SYNE3: variants seen among roughly 807,000 people sequenced by gnomAD.
SYNE3 encodes nesprin-3.
In SYNE3, 100 loss-of-function variants were observed where a neutral mutation model predicts 111.2. The ratio of observed to expected loss-of-function variants is 0.90; its 90% CI spans 0.77 to 1.06. The LOEUF (loss-of-function observed/expected upper bound fraction) is 1.06. Among genes scored for constraint, SYNE3 ranks in the 50% least tolerant of loss-of-function variants. SYNE3 has a pLI of 0.00. For synonymous variants in SYNE3, 547 were observed against 533.9 expected, an observed-to-expected ratio of 1.02 and a Z score of -0.34; for missense variants, 1,160 against 1,240.3, an observed-to-expected ratio of 0.94 and a Z score of 0.97.
intron 6 of SYNE3, among the ~76,000 whole-genome samples, chr14:95,452,822 T>C (rs936421028): frequency 3.3e-5 from 5 of 152,112 alleles, no homozygotes; most frequent in African/African-American, 1.2e-4. Context: ...GGTTGCAGAG[T>C]CTGTAGATGG....
intron 17 of SYNE3, among the ~76,000 whole-genome samples, chr14:95,423,524 GA>G (rs1389564552): frequency 1.6e-4 from 16 of 97,638 alleles, no homozygotes; most frequent in Non-Finnish European, 2.9e-4. Context: ...TGGGGATGGG[GA>G]TTTGATGGGG....
chr14:95,468,862 C>T (rs1365358997), intron 2 of SYNE3, among the ~76,000 whole-genome samples: 1 of 152,190 alleles, frequency 6.6e-6, no homozygotes, highest in Non-Finnish European at 1.5e-5. Context: ...ATTGTCATTG[C>T]TGTTACTATT....
At chr14:95,466,792 T>A (rs975393861) in intron 3 of SYNE3, among the ~76,000 whole-genome samples, 3 of 152,182 alleles carry the variant, frequency 2.0e-5, no homozygotes, top group Non-Finnish European at 4.4e-5. Flanking sequence ...CCCCAGCCTG[T>A]CTCCCTGGGG....
rs1176291805 is a variant in SYNE3, at chr14:95,407,709, T to C, written c.*10117A>G. The C allele has an allele frequency of 6.6e-6, 1 of 152,126 alleles. No individual in the cohort carries two copies. Among genetic ancestry groups the C allele is most frequent in the South Asian group, 2.1e-4 (1 of 4,812 alleles). The allele number at this position is 152,126 out of a possible 1,614,324, so 9.4% of individuals were successfully genotyped here. A position where few individuals can be genotyped will look rare whatever the true frequency, so the allele number is the denominator to read the frequency against. ...TGTTTGTCTTTGACATCAAAAATCA[T>C]TTATGCAGCATCTACATGCACATAT... On this transcript the variant is annotated 3_prime_UTR_variant, in exon 18 of 18. Coordinates refer to ENST00000682763, the MANE Select transcript of SYNE3 (RefSeq NM_152592.6).
chr14:95,424,296 C>G (rs1480032218), intron 17 of SYNE3, among the ~76,000 whole-genome samples: 2 of 151,600 alleles, frequency 1.3e-5, no homozygotes, highest in Non-Finnish European at 2.9e-5. Flanking sequence ...GGGAGAGCCA[C>G]CCACCAGATG....
intron 5 of SYNE3, chr14:95,456,019 C>G (rs1413907733): frequency 4.6e-6 from 2 of 436,182 alleles, no homozygotes; most frequent in Non-Finnish European, 8.1e-6. Context: ...GTTTATCTTC[C>G]TTTCCATGCC....
At chr14:95,421,887 C>T (rs1004457122) in intron 17 of SYNE3, among the ~76,000 whole-genome samples, 5 of 152,226 alleles carry the variant, frequency 3.3e-5, no homozygotes, top group Non-Finnish European at 7.3e-5. Context: ...TTTCTCCACT[C>T]CACCTGGTTA....
intron 4 of SYNE3, among the ~76,000 whole-genome samples, chr14:95,458,763 C>T (rs780713846): frequency 5.9e-5 from 9 of 152,294 alleles, no homozygotes; most frequent in Non-Finnish European, 1.2e-4. Flanking sequence ...GCTCAGGGCA[C>T]GCCCTGTGAA....
At chr14:95,512,916 C>G (rs1890774457) in intron 1 of SYNE3, among the ~76,000 whole-genome samples, 1 of 152,112 alleles carries the variant, frequency 6.6e-6, no homozygotes, top group African/African-American at 2.4e-5. Flanking sequence ...AAGCCTACCA[C>G]TGGACTGAAG....
intron 1 of SYNE3, among the ~76,000 whole-genome samples, chr14:95,484,684 G>T (rs1889449504): frequency 2.0e-5 from 3 of 152,282 alleles, no homozygotes; most frequent in African/African-American, 7.2e-5. Context: ...TCTACTCAGG[G>T]GTCTTGATCA....
At chr14:95,480,678 A>G (rs1327179147) in intron 1 of SYNE3, among the ~76,000 whole-genome samples, 1 of 152,228 alleles carries the variant, frequency 6.6e-6, no homozygotes, top group Non-Finnish European at 1.5e-5. Context: ...GTCATAAAGA[A>G]AGCTCAGAGT....
intron 1 of SYNE3, among the ~76,000 whole-genome samples, chr14:95,505,095 G>T (rs185641396): frequency 6.6e-6 from 1 of 152,224 alleles, no homozygotes; most frequent in Non-Finnish European, 1.5e-5. Context: ...TTGGGACTCC[G>T]GGCAACTCCC....
rs748086812 is a variant in SYNE3, at chr14:95,455,533, G to A, written c.981C>T (p.Leu327=). The stretch of plus-strand genomic sequence containing the variant: ...GCTGCTCCCAGGCTCCCCTGGACCG[G>A]AGCAGGCCCCGCAGCCGCTCCTCCT... The part of the protein sequence containing the change: ...EEEEERLRGL[L]RSRGAWEQQI... The change falls in exon 6 of 18, where the codon CTC becomes CTT. Residue 327 remains leucine (L), a synonymous_variant. Coordinates refer to ENST00000682763, the MANE Select transcript of SYNE3 (RefSeq NM_152592.6). The A allele has an allele frequency of 2.5e-6, 4 of 1,613,926 alleles. No individual in the cohort carries two copies. Among genetic ancestry groups the A allele is most frequent in the East Asian group, 2.2e-5 (1 of 44,884 alleles).
intron 1 of SYNE3, among the ~76,000 whole-genome samples, chr14:95,483,440 G>A (rs763079109): frequency 2.0e-5 from 3 of 152,008 alleles, no homozygotes; most frequent in Non-Finnish European, 4.4e-5. Flanking sequence ...CTTTCCCACT[G>A]CTCTCTTATG....
intron 11 of SYNE3, 142 bp downstream of exon 11, chr14:95,443,013 G>A: frequency 1.9e-6 from 2 of 1,074,170 alleles, no homozygotes; most frequent in South Asian, 3.3e-5. Context: ...TTGTATGAAT[G>A]AGGAAGGGAA....
rs141648796 is a variant in SYNE3, at chr14:95,467,919, G to A, written c.193C>T (p.Leu65=). The change falls in exon 3 of 18, where the codon CTA becomes TTA. Residue 65 remains leucine (L), a synonymous_variant. Transcript: ENST00000682763. ...GCCAAGAGGGCTTCAGCCATCCGTA[G>A]CACGAGGTCCACCCTCACACGCCCC... ...PEGRVRVDLV[L]RMAEALLACC... is the part of the protein sequence containing the mutation. The A allele has an allele frequency of 4.3e-5, 70 of 1,614,014 alleles. No individual in the cohort carries two copies. Among genetic ancestry groups the A allele is most frequent in the Non-Finnish European group, 5.6e-5 (66 of 1,180,000 alleles).
intron 4 of SYNE3, 92 bp from the exon 5 acceptor site, chr14:95,457,430 G>A (rs1238191792): frequency 7.1e-7 from 1 of 1,417,324 alleles, no homozygotes; most frequent in Non-Finnish European, 9.4e-7. Flanking sequence ...GTGTGTGTGT[G>A]TGTGTGTGTG....
chr14:95,484,754 G>A (rs528152702), intron 1 of SYNE3, among the ~76,000 whole-genome samples: 3 of 152,216 alleles, frequency 2.0e-5, no homozygotes, highest in Non-Finnish European at 4.4e-5. Flanking sequence ...TGCCTCTCAT[G>A]GATGAAGGAT....
chr14:95,422,996 A>G (rs572956711), intron 17 of SYNE3, among the ~76,000 whole-genome samples: 1 of 152,320 alleles, frequency 6.6e-6, no homozygotes, highest in East Asian at 1.9e-4. Flanking sequence ...GGGCACCAGA[A>G]GCACTGAATT....
Sources: gnomAD v4.1 joint callset for allele counts (sites outside exome capture counted in the v4.1 genomes callset) on GRCh38, gnomAD v4.1.1 for gene constraint, MANE v1.5 for transcripts, NCBI Gene and HGNC (gene_info 2026-07-23, HGNC 2026-07-21) for gene names.